Variants in ATP11C observed in about 807,000 individuals in gnomAD.
ATP11C encodes ATPase phospholipid transporting 11C (ATP11C blood group).
Under a neutral mutation model 97.4 loss-of-function variants are expected in ATP11C, and 36 were observed. The observed-to-expected ratio is 0.37, with a 90% CI of 0.28 to 0.49. The LOEUF is 0.49. Among genes scored for constraint, ATP11C ranks in the 20% least tolerant of loss-of-function variants. The pLI is 0.98. For synonymous variants in ATP11C, 275 were observed against 290.9 expected (o/e 0.95, Z 0.56); for missense variants, 730 against 824.6 (o/e 0.89, Z 1.40).
chrX:139,931,511 G>A (rs1005745502), intron 1 of ATP11C, among the ~76,000 whole-genome samples: 2 of 112,397 alleles, frequency 1.8e-5, no homozygotes, highest in African/African-American at 6.5e-5. Context: ...GTCAGAAGCC[G>A]CCCGCTGGCT....
chrX:139,777,111 C>T (rs1471738228), intron 18 of ATP11C, among the ~76,000 whole-genome samples: 1 of 111,065 alleles, frequency 9.0e-6, no homozygotes, highest in Non-Finnish European at 1.9e-5. Context: ...AGAACTCTGG[C>T]GGTACAAAAA....
intron 28 of ATP11C, among the ~76,000 whole-genome samples, chrX:139,734,906 A>G (rs909475032): frequency 8.9e-6 from 1 of 111,952 alleles, no homozygotes; most frequent in Non-Finnish European, 1.9e-5. Context: ...TAATACTAGC[A>G]TTATGACAGA....
chrX:139,935,668 A>C (rs1046542834), upstream of ATP11C, among the ~76,000 whole-genome samples: 5 of 111,746 alleles, frequency 4.5e-5, no homozygotes, highest in African/African-American at 1.6e-4. Context: ...ACCTATACTC[A>C]TGGGTCCAGT....
At chrX:139,798,644 T>A in intron 9 of ATP11C, 35 bp downstream of exon 9, 1 of 1,068,184 alleles carries the variant, frequency 9.4e-7, no homozygotes, top group Non-Finnish European at 1.3e-6. Flanking sequence ...TTACAAAGCA[T>A]ATTTTTTGAT....
chrX:139,887,061 T>C (rs982656943), intron 1 of ATP11C, among the ~76,000 whole-genome samples: 5 of 112,094 alleles, frequency 4.5e-5, no homozygotes, highest in African/African-American at 9.7e-5. Context: ...GGTCAATTAA[T>C]TTTTGACAAG....
intron 11 of ATP11C, among the ~76,000 whole-genome samples, chrX:139,796,830 TTAAAATGTCA>T (rs1409208542): frequency 8.9e-6 from 1 of 111,890 alleles, no homozygotes; most frequent in African/African-American, 3.2e-5. Context: ...TCCTATTACA[TTAAAATGTCA>T]AAGCATCTTG....
intron 1 of ATP11C, among the ~76,000 whole-genome samples, chrX:139,831,979 T>G (rs1412043121): frequency 8.9e-6 from 1 of 111,877 alleles, no homozygotes; most frequent in Non-Finnish European, 1.9e-5. Flanking sequence ...AATAAGGAGA[T>G]TCTTAACTCT....
chrX:139,824,876 C>T (rs1235261132), intron 2 of ATP11C, among the ~76,000 whole-genome samples: 2 of 111,602 alleles, frequency 1.8e-5, no homozygotes, highest in East Asian at 5.6e-4. Flanking sequence ...TCAACACTTG[C>T]TACAAAGTTG....
chrX:139,751,162 T>A (rs1411785234), intron 23 of ATP11C, among the ~76,000 whole-genome samples: 2 of 112,337 alleles, frequency 1.8e-5, no homozygotes, highest in African/African-American at 6.5e-5. Flanking sequence ...AGTTCACTAG[T>A]TGACTTCAGA....
intron 29 of ATP11C, 56 bp downstream of exon 29, chrX:139,731,595 T>C (rs750604730): frequency 1.3e-6 from 1 of 749,643 alleles, no homozygotes; most frequent in Non-Finnish European, 1.9e-6. Context: ...ATTTTTTCTT[T>C]ATAATGCTGT....
intron 1 of ATP11C, among the ~76,000 whole-genome samples, chrX:139,906,330 T>A (rs2084975159): frequency 9.3e-6 from 1 of 107,847 alleles, no homozygotes; most frequent in South Asian, 4.1e-4. Flanking sequence ...GGTGGGAGAA[T>A]CGCTTGAGCC....
intron 1 of ATP11C, among the ~76,000 whole-genome samples, chrX:139,861,742 G>A: frequency 9.4e-6 from 1 of 105,975 alleles, no homozygotes; most frequent in Middle Eastern, 4.8e-3. Context: ...AATCAAATTC[G>A]TGTAGTCCTA....
At chrX:139,815,835 C>G (rs2083278446) in intron 4 of ATP11C, among the ~76,000 whole-genome samples, 2 of 110,933 alleles carry the variant, frequency 1.8e-5, no homozygotes, top group South Asian at 7.7e-4. Flanking sequence ...TTCTTCTGTC[C>G]TCTTTATGAC....
intron 1 of ATP11C, among the ~76,000 whole-genome samples, chrX:139,903,280 G>C (rs2084925592): frequency 9.0e-6 from 1 of 111,480 alleles, no homozygotes; most frequent in Non-Finnish European, 1.9e-5. Context: ...ACAGCATTTT[G>C]TTATAATGTT....
At chrX:139,822,249 T>G (rs1189372057) in intron 2 of ATP11C, among the ~76,000 whole-genome samples, 1 of 112,436 alleles carries the variant, frequency 8.9e-6, no homozygotes. Flanking sequence ...CAGGCTGGAG[T>G]GCGGTAGCGC....
At chrX:139,731,616 T>C in intron 29 of ATP11C, 35 bp downstream of exon 29, 1 of 970,013 alleles carries the variant, frequency 1.0e-6, no homozygotes, top group Non-Finnish European at 1.4e-6. Flanking sequence ...TAATCCGATT[T>C]TTTAAAGCCA....
At chrX:139,910,761 G>T (rs1371963192) in intron 1 of ATP11C, among the ~76,000 whole-genome samples, 1 of 110,363 alleles carries the variant, frequency 9.1e-6, no homozygotes, top group Non-Finnish European at 1.9e-5. Context: ...TCACAACATG[G>T]AATTCCTTGA....
intron 2 of ATP11C, among the ~76,000 whole-genome samples, chrX:139,821,737 G>A (rs1313931297): frequency 8.9e-6 from 1 of 111,893 alleles, no homozygotes; most frequent in Admixed American, 9.5e-5. Context: ...AGATCATGGA[G>A]CATGTCCTAA....
rs770109480 is a variant in ATP11C at position 139,900,224 on chromosome X, C to CG, written c.27+31791dup. On this transcript the variant is annotated intron_variant, in intron 1 of 29. Transcript: ENST00000682941. The stretch of plus-strand genomic sequence containing the variant: ...TCTCTACAAAAAATACAAAAATTAG[C>CG]GGGGTGTGGTGGCATGCGCCTGTAG... Among the ~76,000 whole-genome samples the CG allele has an allele frequency of 4.5e-5, 5 of 110,267 alleles. No homozygotes were observed. The South Asian group carries it at 2.0e-3, about 43-fold the overall frequency.
Sources: allele counts gnomAD v4.1 joint callset (sites outside exome capture counted in the v4.1 genomes callset), GRCh38; gene constraint gnomAD v4.1.1; transcripts MANE v1.5; gene names NCBI Gene and HGNC (gene_info 2026-07-23, HGNC 2026-07-21).